SLIT2: variants seen among roughly 807,000 people sequenced by gnomAD.
The protein encoded by SLIT2 is slit homolog 2 protein.
In SLIT2, 41 loss-of-function variants were observed where a neutral mutation model predicts 185.7. That is an observed-to-expected ratio of 0.22 (90% CI 0.17 to 0.29). SLIT2 has a LOEUF of 0.29. SLIT2 is among the 10% of genes least tolerant of loss of function. The probability of loss-of-function intolerance (pLI) is 1.00; values close to 1 mark genes in which losing one functional copy is unlikely to be tolerated. For missense variants in SLIT2, 1,571 were observed against 1,909.0 expected (o/e 0.82, Z 3.30); for synonymous variants, 693 against 680.2 (o/e 1.02, Z -0.29).
rs1729905540 is a variant in SLIT2, at chr4:20,619,124, CTTATTT to C, written c.*121_*126del. 1 of 1,037,900 alleles carries C rather than the reference CTTATTT, an allele frequency of 9.6e-7. No individual in the cohort carries two copies. Among genetic ancestry groups the C allele is most frequent in the Non-Finnish European group, 1.3e-6 (1 of 754,644 alleles). 64.3% of individuals were successfully genotyped at this position (1,037,900 alleles called of 1,614,324 possible). A position where few individuals can be genotyped will look rare whatever the true frequency, so the allele number is the denominator to read the frequency against. On this transcript the variant is annotated 3_prime_UTR_variant, in exon 37 of 37. Transcript: ENST00000504154. Reference sequence around the variant, plus strand: ...AATATATTGTAAAATACAGAACAGACTTATTTTTATTATGAGAATAAAGACTTTTTT... The same window carrying C: ...AATATATTGTAAAATACAGAACAGACTTATTATGAGAATAAAGACTTTTTT...
rs561108627 is a variant in SLIT2, at chr4:20,493,963, C to T, written c.914+2064C>T. 2.6e-5 allele frequency among the ~76,000 whole-genome samples: 4 copies of T among 152,272 alleles called. No homozygotes were observed. The South Asian group carries it at 8.3e-4, about 32-fold the overall frequency. The stretch of plus-strand genomic sequence containing the variant: ...TGTAATCAAATAGGAATTCAGCTTG[C>T]CTGATACATGAGATAGTACCAGGAA... On this transcript the variant is annotated intron_variant, in intron 9 of 36. Transcript: ENST00000504154.
At chr4:20,284,253 A>G (rs1715059017) in intron 4 of SLIT2, among the ~76,000 whole-genome samples, 1 of 152,220 alleles carries the variant, frequency 6.6e-6, no homozygotes, top group African/African-American at 2.4e-5. Context: ...TTTTAACATA[A>G]TGAATCCACA....
chr4:20,555,238 C>T (rs1724146209), intron 26 of SLIT2, among the ~76,000 whole-genome samples: 1 of 152,050 alleles, frequency 6.6e-6, no homozygotes. Flanking sequence ...CCTTGCCTTC[C>T]ATGATTTGAA....
intron 4 of SLIT2, among the ~76,000 whole-genome samples, chr4:20,325,440 TA>T (rs557494207): frequency 0.021 from 2,610 of 122,472 alleles, 51 homozygotes; most frequent in African/African-American, 0.049. Flanking sequence ...GGAATAATCT[TA>T]AAAAAAAAAA....
At chr4:20,311,656 A>G (rs1409721914) in intron 4 of SLIT2, among the ~76,000 whole-genome samples, 3 of 152,202 alleles carry the variant, frequency 2.0e-5, no homozygotes, top group African/African-American at 7.2e-5. Flanking sequence ...AGTCCAGTCA[A>G]TGATAATAGC....
At chr4:20,567,158 C>T (rs1267938172) in intron 26 of SLIT2, 104 bp from the exon 27 acceptor site, 4 of 1,016,046 alleles carry the variant, frequency 3.9e-6, no homozygotes, top group Non-Finnish European at 5.8e-6. Context: ...GATATGTGAC[C>T]AATAATAATT....
chr4:20,465,224 T>G (rs1030882001), intron 4 of SLIT2, among the ~76,000 whole-genome samples: 7 of 152,198 alleles, frequency 4.6e-5, no homozygotes, highest in Non-Finnish European at 8.8e-5. Context: ...TTTCCACATA[T>G]GTATTTTAAC....
chr4:20,595,549 A>G (rs1727907941), intron 30 of SLIT2, 148 bp from the exon 31 acceptor site: 1 of 931,842 alleles, frequency 1.1e-6, no homozygotes, highest in East Asian at 2.4e-5. Context: ...GAACAGTTCG[A>G]TTTTCTAGGT....
At chr4:20,328,062 A>C (rs1317888335) in intron 4 of SLIT2, among the ~76,000 whole-genome samples, 1 of 152,068 alleles carries the variant, frequency 6.6e-6, no homozygotes, top group Non-Finnish European at 1.5e-5. Flanking sequence ...AGTGTGTTTT[A>C]GGGAACGTAA....
chr4:20,297,431 T>C (rs1480917293), intron 4 of SLIT2, among the ~76,000 whole-genome samples: 2 of 152,200 alleles, frequency 1.3e-5, no homozygotes, highest in Admixed American at 6.5e-5. Flanking sequence ...CCCCTTCCAC[T>C]TGAATGCTAA....
At chr4:20,609,799 C>G (rs1267425942) in intron 33 of SLIT2, among the ~76,000 whole-genome samples, 1 of 152,066 alleles carries the variant, frequency 6.6e-6, no homozygotes, top group Non-Finnish European at 1.5e-5. Flanking sequence ...AAAGAACAAA[C>G]TTATTTTGTA....
intron 30 of SLIT2, among the ~76,000 whole-genome samples, chr4:20,592,457 A>T (rs1336494788): frequency 1.3e-5 from 2 of 152,176 alleles, no homozygotes; most frequent in African/African-American, 4.8e-5. Flanking sequence ...AGGAATTCTT[A>T]TTTAAATTTT....
intron 4 of SLIT2, among the ~76,000 whole-genome samples, chr4:20,338,780 T>C (rs1012959574): frequency 6.6e-6 from 1 of 152,102 alleles, no homozygotes; most frequent in African/African-American, 2.4e-5. Context: ...CTATTATTGT[T>C]CCCTTAATTA....
intron 4 of SLIT2, among the ~76,000 whole-genome samples, chr4:20,422,353 G>A (rs1212463372): frequency 6.6e-6 from 1 of 152,040 alleles, no homozygotes; most frequent in African/African-American, 2.4e-5. Flanking sequence ...CTATTTGGGG[G>A]AAAAGAAATA....
At chr4:20,334,023 G>T (rs772326704) in intron 4 of SLIT2, among the ~76,000 whole-genome samples, 1 of 152,150 alleles carries the variant, frequency 6.6e-6, no homozygotes, top group African/African-American at 2.4e-5. Flanking sequence ...AGCTCACTGT[G>T]TTCTCCTTGA....
chr4:20,424,559 T>C (rs1483985969), intron 4 of SLIT2, among the ~76,000 whole-genome samples: 1 of 152,108 alleles, frequency 6.6e-6, no homozygotes, highest in African/African-American at 2.4e-5. Context: ...TCGTCTAATT[T>C]TTTTAAAATG....
chr4:20,416,990 G>A (rs1038689461), intron 4 of SLIT2, among the ~76,000 whole-genome samples: 16 of 145,462 alleles, frequency 1.1e-4, no homozygotes, highest in Admixed American at 4.8e-4. Context: ...ACTCAAGTGC[G>A]ACACATTTAA....
At position 20,463,466 on chromosome 4, in the gene SLIT2, T is replaced by G. The variant is rs866617487; in HGVS notation, c.396-4286T>G. On this transcript the variant is annotated intron_variant, in intron 4 of 36. Transcript: ENST00000504154. ...AAACTGTGATATATATATATATATATATATATATATATATATATATATATA... is the reference window on the plus strand; with the variant it reads ...AAACTGTGATATATATATATATATAGATATATATATATATATATATATATA... 6.1e-3 allele frequency among the ~76,000 whole-genome samples: 512 copies of G among 83,300 alleles called. 10 individuals carry two copies. Among genetic ancestry groups the G allele is most frequent in the Middle Eastern group, 0.027 (5 of 182 alleles). 54.6% of individuals were successfully genotyped at this position (83,300 alleles called of 152,430 possible).
rs1729987919 is a variant in SLIT2 at position 20,620,334 on chromosome 4, C to T, written c.*1325C>T. 2.4e-6 allele frequency: 1 copy of T among 420,238 alleles called. No homozygotes were observed. Among genetic ancestry groups the T allele is most frequent in the African/African-American group, 2.1e-5 (1 of 47,996 alleles). The allele number at this position is 420,238 out of a possible 1,614,324, so 26.0% of individuals were successfully genotyped here. A position where few individuals can be genotyped will look rare whatever the true frequency, so the allele number is the denominator to read the frequency against. On this transcript the variant is annotated 3_prime_UTR_variant, in exon 37 of 37. Coordinates refer to ENST00000504154, the MANE Select transcript of SLIT2 (RefSeq NM_004787.4). ...TAATGCTCCCATGTTAACATGTTTGCTGCTAAATTACAATGTAGAATTGAT... is the reference window on the plus strand; with the variant it reads ...TAATGCTCCCATGTTAACATGTTTGTTGCTAAATTACAATGTAGAATTGAT...
Sources: gnomAD v4.1 joint callset for allele counts (sites outside exome capture counted in the v4.1 genomes callset) on GRCh38, gnomAD v4.1.1 for gene constraint, MANE v1.5 for transcripts, NCBI Gene and HGNC (gene_info 2026-07-23, HGNC 2026-07-21) for gene names.